Variants in FERRY3 observed in about 807,000 individuals in gnomAD.
The protein encoded by FERRY3 is protein C12orf4.
chr12:4,496,051 T>TC, the FERRY3 span, among the ~76,000 whole-genome samples: 1 of 152,238 alleles, frequency 6.6e-6, no homozygotes, highest in Non-Finnish European at 1.5e-5. Flanking sequence ...GACAGCTACC[T>TC]GTATATGCAT....
chr12:4,523,473 G>A, the FERRY3 span, among the ~76,000 whole-genome samples: 1 of 152,160 alleles, frequency 6.6e-6, no homozygotes, highest in Non-Finnish European at 1.5e-5. Context: ...TATACCCAAA[G>A]GATTATAAAT....
the FERRY3 span, among the ~76,000 whole-genome samples, chr12:4,507,235 A>G: frequency 1.3e-5 from 2 of 152,206 alleles, no homozygotes; most frequent in African/African-American, 2.4e-5. Context: ...TTGTACGAGA[A>G]GAAGGAAGCT....
At chr12:4,510,749 T>G in the FERRY3 span, among the ~76,000 whole-genome samples, 1 of 145,958 alleles carries the variant, frequency 6.9e-6, no homozygotes. Context: ...AAGGAAGCGC[T>G]AAACATGGAA....
the FERRY3 span, chr12:4,517,952 C>A: frequency 3.2e-6 from 3 of 927,170 alleles, no homozygotes; most frequent in Non-Finnish European, 4.9e-6. Flanking sequence ...ACTTGGATGT[C>A]AAGGTGATTA....
the FERRY3 span, among the ~76,000 whole-genome samples, chr12:4,504,213 G>A: frequency 6.6e-6 from 1 of 152,182 alleles, no homozygotes; most frequent in Non-Finnish European, 1.5e-5. Context: ...ACTGAGTGAC[G>A]GCGGTTTCGT....
chr12:4,498,619 C>T, the FERRY3 span, among the ~76,000 whole-genome samples: 30 of 152,280 alleles, frequency 2.0e-4, no homozygotes, highest in African/African-American at 6.7e-4. Context: ...CACTGAAAAT[C>T]ACCCTGTCTC....
chr12:4,518,828 C>A, the FERRY3 span: 8 of 1,594,954 alleles, frequency 5.0e-6, no homozygotes, highest in African/African-American at 1.4e-5. Context: ...TAAATCCTTC[C>A]AATTGCTTCT....
At chr12:4,489,800 T>C in the FERRY3 span, 3 of 1,578,402 alleles carry the variant, frequency 1.9e-6, no homozygotes, top group South Asian at 3.4e-5. Context: ...TGTCAATCTA[T>C]AAGGGTTTAG....
chr12:4,489,014 C>T, the FERRY3 span: 1 of 152,380 alleles, frequency 6.6e-6, no homozygotes, highest in Non-Finnish European at 1.5e-5. Context: ...AAGCTGAGAA[C>T]GCAGGGAGGA....
At chr12:4,521,509 A>G in the FERRY3 span, among the ~76,000 whole-genome samples, 1 of 152,222 alleles carries the variant, frequency 6.6e-6, no homozygotes, top group Non-Finnish European at 1.5e-5. Flanking sequence ...GACTTTCAAA[A>G]AACTATAACC....
At chr12:4,525,207 A>C in the FERRY3 span, 602 of 1,578,330 alleles carry the variant, frequency 3.8e-4, 1 homozygote, top group African/African-American at 7.1e-3. Flanking sequence ...TATAAACATT[A>C]CTAACAATGG....
At chr12:4,500,267 A>G in the FERRY3 span, 2 of 1,613,984 alleles carry the variant, frequency 1.2e-6, no homozygotes, top group African/African-American at 2.7e-5. Context: ...CCGATTTCAC[A>G]TGGTCATCCA....
the FERRY3 span, chr12:4,505,368 T>C: frequency 6.2e-7 from 1 of 1,604,986 alleles, no homozygotes; most frequent in Non-Finnish European, 8.5e-7. Flanking sequence ...TCCTCCATTT[T>C]GGTTTCCAGA....
the FERRY3 span, chr12:4,534,440 G>C: frequency 4.2e-6 from 4 of 962,660 alleles, no homozygotes; most frequent in East Asian, 5.7e-5. Context: ...CTCTCTCTCT[G>C]TTACACAGGC....
At chr12:4,506,828 T>TAA in the FERRY3 span, among the ~76,000 whole-genome samples, 4 of 152,136 alleles carry the variant, frequency 2.6e-5, no homozygotes, top group African/African-American at 9.7e-5. Context: ...AATAATGGAA[T>TAA]GTCTTAGAAT....
At chr12:4,534,927 A>G in the FERRY3 span, among the ~76,000 whole-genome samples, 303 of 152,348 alleles carry the variant, frequency 2.0e-3, no homozygotes, top group Middle Eastern at 6.8e-3. Flanking sequence ...AAGTGGGTAT[A>G]AGGACATAAA....
chr12:4,527,880 C>A, the FERRY3 span, among the ~76,000 whole-genome samples: 1 of 150,296 alleles, frequency 6.7e-6, no homozygotes, highest in Admixed American at 6.6e-5. Flanking sequence ...TAAAATAAGT[C>A]AAAACAAACC....
chr12:4,503,086 T>C, the FERRY3 span, among the ~76,000 whole-genome samples: 27 of 152,206 alleles, frequency 1.8e-4, no homozygotes, highest in Non-Finnish European at 3.4e-4. Context: ...GCTTGAGATA[T>C]GGGCCATGAT....
the FERRY3 span, among the ~76,000 whole-genome samples, chr12:4,514,739 C>A: frequency 8.6e-6 from 1 of 115,878 alleles, no homozygotes; most frequent in Admixed American, 1.1e-4. Flanking sequence ...ACTCTGGGGA[C>A]TGTGGTGGGG....
Sources: gnomAD v4.1 joint callset for allele counts (sites outside exome capture counted in the v4.1 genomes callset) on GRCh38, gnomAD v4.1.1 for gene constraint, MANE v1.5 for transcripts, NCBI Gene and HGNC (gene_info 2026-07-23, HGNC 2026-07-21) for gene names.